Variants in TECTA observed in about 807,000 individuals in gnomAD.
TECTA encodes alpha-tectorin.
TECTA carries 128 observed loss-of-function variants against 216.8 expected under a neutral mutation model. That is an observed-to-expected ratio of 0.59 (90% CI 0.51 to 0.68). The LOEUF (loss-of-function observed/expected upper bound fraction) is 0.68. Among genes scored for constraint, TECTA ranks in the 30% least tolerant of loss-of-function variants. The pLI is 0.00. For synonymous variants in TECTA, 1,089 were observed against 1,117.1 expected (o/e 0.97, Z 0.50); for missense variants, 2,551 against 2,786.2 (o/e 0.92, Z 1.90).
At chr11:121,134,952 C>T (rs1946711936) in intron 10 of TECTA, among the ~76,000 whole-genome samples, 1 of 152,156 alleles carries the variant, frequency 6.6e-6, no homozygotes, top group African/African-American at 2.4e-5. Context: ...AAGCTCTTAT[C>T]AGTGTCTTTT....
In TECTA at chr11:121,101,502, A is replaced by G. The variant is rs1474124518; in HGVS notation, c.-2+60A>G. On this transcript the variant is annotated intron_variant, in intron 1 of 23. Coordinates refer to ENST00000392793, the MANE Select transcript of TECTA (RefSeq NM_005422.4). The stretch of plus-strand genomic sequence containing the variant: ...ATGAATCCTCCTTACTTCTCTCTGA[A>G]CCGGTTCCCTAAGGGCTCTAGTCTT... The G allele has an allele frequency of 3.3e-5, 5 of 152,148 alleles. 1 individual carries two copies. The highest frequency in any genetic ancestry group is 4.1e-4 in the South Asian group (2 of 4,832). The allele number at this position is 152,148 out of a possible 1,614,324, so 9.4% of individuals were successfully genotyped here.
At chr11:121,167,964 A>C in intron 18 of TECTA, 90 bp from the exon 19 acceptor site, 1 of 1,488,896 alleles carries the variant, frequency 6.7e-7, no homozygotes, top group Non-Finnish European at 9.4e-7. Context: ...GAAGGAAGCC[A>C]TTTCTCCACT....
intron 13 of TECTA, among the ~76,000 whole-genome samples, chr11:121,156,101 C>T (rs541562445): frequency 1.3e-4 from 20 of 152,166 alleles, no homozygotes; most frequent in African/African-American, 2.4e-4. Flanking sequence ...TATCCTATGC[C>T]GGAAGTGTGT....
intron 20 of TECTA, among the ~76,000 whole-genome samples, chr11:121,181,961 A>G (rs774603347): frequency 1.4e-4 from 22 of 152,220 alleles, no homozygotes; most frequent in Non-Finnish European, 2.8e-4. Context: ...CTGAGTGGAC[A>G]CAGCAGTGTG....
Position 121,113,169 on chromosome 11 carries a change from G to T in TECTA, c.584G>T (p.Gly195Val). 1 of 1,613,830 alleles carries T rather than the reference G, an allele frequency of 6.2e-7. No homozygotes were observed. Among genetic ancestry groups the T allele is most frequent in the Non-Finnish European group, 8.5e-7 (1 of 1,179,912 alleles). Residue 195 changes from glycine (G) to valine (V), a missense_variant, in exon 5 of 24, where the codon GGC becomes GTC. Around this residue, in one of 3 missense-constraint regions of TECTA, gnomAD observed 2,375 missense variants for 2,563.9 expected, o/e 0.93. Transcript: ENST00000392793. This position sits in a 1 kb window ranked among gnomAD's most constrained non-coding sequence, Gnocchi z 4.2. ...EINWTTGTAS[G>V]GDPLTGLGGV... ...AACTGGACCACGGGGACGGCGAGTG[G>T]CGGCGACCCCCTGACAGGTCTTGGT... is the stretch of plus-strand genomic sequence containing the variant.
At chr11:121,133,343 T>A (rs926424074) in intron 10 of TECTA, among the ~76,000 whole-genome samples, 6 of 152,148 alleles carry the variant, frequency 3.9e-5, no homozygotes, top group Non-Finnish European at 8.8e-5. Context: ...TTTATATACA[T>A]AACCACAGTA....
At chr11:121,132,397 G>A (rs1462156889) in intron 10 of TECTA, among the ~76,000 whole-genome samples, 3 of 152,222 alleles carry the variant, frequency 2.0e-5, no homozygotes, top group Non-Finnish European at 2.9e-5. Flanking sequence ...GATGTACTCC[G>A]GGCTCATCTT....
Position 121,129,917 on chromosome 11 carries a change from G to A in TECTA, c.2647G>A (p.Glu883Lys). The A allele has an allele frequency of 1.9e-6, 3 of 1,613,836 alleles. No individual in the cohort carries two copies. The highest frequency in any genetic ancestry group is 2.5e-6 in the Non-Finnish European group (3 of 1,179,778). ...CCTGGAAAGCTGGACAACTTTCGAG[G>A]AGATCTGCAATGGAGAGTGTGGGGA... is the stretch of plus-strand genomic sequence containing the variant. Reference protein sequence around the residue: ...VFLESWTTFEEICNGECGDLL... With the variant: ...VFLESWTTFEKICNGECGDLL... The change falls in exon 10 of 24, where the codon GAG becomes AAG. Residue 883 changes from glutamate to lysine, a missense_variant. Glu to Lys is a moderately conservative substitution (Grantham distance 56, BLOSUM62 1). Transcript: ENST00000392793.
At chr11:121,190,546 G>T (rs1947331193) in intron 23 of TECTA, among the ~76,000 whole-genome samples, 160 bp from the exon 24 acceptor site, 2 of 152,182 alleles carry the variant, frequency 1.3e-5, no homozygotes, top group African/African-American at 4.8e-5. Context: ...CTTAAGATTG[G>T]ATTAATTCTG....
intron 16 of TECTA, among the ~76,000 whole-genome samples, chr11:121,164,282 T>C (rs1947029481): frequency 6.6e-6 from 1 of 152,222 alleles, no homozygotes; most frequent in African/African-American, 2.4e-5. Flanking sequence ...CTTGAATTTA[T>C]TCCTCTTGTC....
At chr11:121,106,502 T>C (rs1946391561) in intron 3 of TECTA, among the ~76,000 whole-genome samples, 1 of 152,170 alleles carries the variant, frequency 6.6e-6, no homozygotes, top group Non-Finnish European at 1.5e-5. Flanking sequence ...CACTAAGAAA[T>C]GGTCCCATTT....
chr11:121,134,151 G>A (rs895837130), intron 10 of TECTA, among the ~76,000 whole-genome samples: 8 of 151,810 alleles, frequency 5.3e-5, no homozygotes, highest in East Asian at 1.9e-4. Context: ...AGGGTGCTTC[G>A]CGCTCATCTT....
rs748001091 is a variant in TECTA, at chr11:121,138,065, C to T, written c.3543+43C>T. 26 of 1,611,828 alleles carry T rather than the reference C, an allele frequency of 1.6e-5. 1 individual carries two copies. The highest frequency in any genetic ancestry group is 1.7e-4 in the Middle Eastern group (1 of 6,050). On this transcript the variant is annotated intron_variant, in intron 11 of 23. Coordinates refer to ENST00000392793, the MANE Select transcript of TECTA (RefSeq NM_005422.4). ...CCCCTCAAAAGGGGAATCGTGGAGA[C>T]GTCAGGATGGGGTCGGCAAGCCAGG...
chr11:121,174,642 C>G (rs941882791), intron 20 of TECTA, among the ~76,000 whole-genome samples: 3 of 152,150 alleles, frequency 2.0e-5, no homozygotes, highest in African/African-American at 7.2e-5. Flanking sequence ...GGATATTGGT[C>G]TAAAATTCTC....
intron 4 of TECTA, chr11:121,109,712 C>A (rs527487484): frequency 3.3e-6 from 2 of 598,940 alleles, no homozygotes; most frequent in Non-Finnish European, 5.8e-6. Flanking sequence ...GATATGTCAC[C>A]CCTATCACAA....
At chr11:121,138,627 T>C (rs1228155057) in intron 11 of TECTA, among the ~76,000 whole-genome samples, 5 of 152,190 alleles carry the variant, frequency 3.3e-5, no homozygotes. Context: ...CAACTCCCTC[T>C]TTCTAAGCTT....
At position 121,113,448 on chromosome 11, in the gene TECTA, G is replaced by A. The variant is rs148167835; in HGVS notation, c.625-105G>A. The A allele has an allele frequency of 1.8e-3, 2,766 of 1,531,018 alleles. 5 individuals carry two copies. The highest frequency in any genetic ancestry group is 2.8e-3 in the Admixed American group (165 of 59,636). 94.8% of individuals were successfully genotyped at this position (1,531,018 alleles called of 1,614,324 possible). On this transcript the variant is annotated intron_variant, in intron 5 of 23. Coordinates refer to ENST00000392793, the MANE Select transcript of TECTA (RefSeq NM_005422.4). This position sits in a 1 kb window ranked among gnomAD's most constrained non-coding sequence, Gnocchi z 4.2. ...GCCCCAGTGACTCCAGGAAAAGACG[G>A]CTCTTGATTTTAGAGGTGCTGGATT...
At chr11:121,169,544 A>G (rs1004959918) in intron 20 of TECTA, among the ~76,000 whole-genome samples, 2 of 152,322 alleles carry the variant, frequency 1.3e-5, no homozygotes, top group South Asian at 4.1e-4. Flanking sequence ...CATTTATTGC[A>G]ATAGATTTTA....
intron 6 of TECTA, among the ~76,000 whole-genome samples, chr11:121,114,322 G>A (rs1312666758): frequency 6.6e-6 from 1 of 152,168 alleles, no homozygotes; most frequent in Non-Finnish European, 1.5e-5. Flanking sequence ...GTTGAACCTG[G>A]GTGGATGTCC....
Sources: allele counts gnomAD v4.1 joint callset (sites outside exome capture counted in the v4.1 genomes callset), GRCh38; gene constraint gnomAD v4.1.1; regional missense constraint gnomAD v4.1.1; non-coding constraint Gnocchi (gnomAD v3.1); transcripts MANE v1.5; gene names NCBI Gene and HGNC (gene_info 2026-07-23, HGNC 2026-07-21).